The following DCUN1D2 variants were observed in gnomAD, a reference collection of about 807,000 sequenced individuals.
The protein encoded by DCUN1D2 is DCN1-like protein 2.
A neutral mutation model predicts 30.9 loss-of-function variants in DCUN1D2; 29 were observed. That is an observed-to-expected ratio of 0.94 (90% confidence interval 0.70 to 1.28). DCUN1D2 has a LOEUF of 1.28. DCUN1D2 is among the 50% of genes most tolerant of loss of function. The pLI is 0.00. For missense variants in DCUN1D2, 325 were observed against 316.9 expected (o/e 1.03, Z -0.19); for synonymous variants, 121 against 115.3 (o/e 1.05, Z -0.32).
intron 4 of DCUN1D2, chr13:113,469,073 T>G (rs1309299500): frequency 6.6e-6 from 1 of 150,986 alleles, no homozygotes; most frequent in East Asian, 2.0e-4. Context: ...AGAGAAAAGC[T>G]GAGGAGGGGG....
At chr13:113,464,083 G>A (rs2044363310) in intron 4 of DCUN1D2, among the ~76,000 whole-genome samples, 1 of 152,194 alleles carries the variant, frequency 6.6e-6, no homozygotes, top group African/African-American at 2.4e-5. Flanking sequence ...TCTAAAAATA[G>A]TGTATAATCT....
rs1386618984 is a variant in DCUN1D2 at position 113,488,524 on chromosome 13, C to G, written c.3+2143G>C. On this transcript the variant is annotated intron_variant, in intron 1 of 6. Transcript: ENST00000478244. This position sits in a 1 kb window ranked among gnomAD's most constrained non-coding sequence, Gnocchi z 4.3. Reference sequence around the variant, plus strand: ...AACTGGCATAAAGCTTCTTAGGAAACAAAAAGGCTCGTCAACTAAAAAACT... The same window carrying G: ...AACTGGCATAAAGCTTCTTAGGAAAGAAAAAGGCTCGTCAACTAAAAAACT... Among the ~76,000 whole-genome samples, 1 of 152,152 alleles carries G rather than the reference C, an allele frequency of 6.6e-6. No individual in the cohort carries two copies. The highest frequency in any genetic ancestry group is 1.9e-4 in the East Asian group (1 of 5,196).
chr13:113,479,633 G>T lies in DCUN1D2; in HGVS notation c.389+942C>A, dbSNP rs116789587. ...AAAATTAGCCGGGCATGAGGCATGA[G>T]AATCGCTTGAACTCAGGAGACGGAG... is the stretch of plus-strand genomic sequence containing the variant. On this transcript the variant is annotated intron_variant, in intron 3 of 6. Transcript: ENST00000478244. 5.7e-3 allele frequency among the ~76,000 whole-genome samples: 864 copies of T among 152,216 alleles called. 9 individuals are homozygous for T. The highest frequency in any genetic ancestry group is 0.02 in the African/African-American group (832 of 41,542).
rs1362706005 is a variant in DCUN1D2 at position 113,462,960 on chromosome 13, G to T, written c.521-1824C>A. The T allele has an allele frequency of 8.1e-6, 8 of 988,798 alleles. No individual in the cohort carries two copies. The East Asian group carries it at 6.1e-4, about 75-fold the overall frequency. The allele number at this position is 988,798 out of a possible 1,614,324, so 61.3% of individuals were successfully genotyped here. A position where few individuals can be genotyped will look rare whatever the true frequency, so the allele number is the denominator to read the frequency against. On this transcript the variant is annotated intron_variant, in intron 4 of 6. Transcript: ENST00000478244. ...CTAGTTACTTTGGGTTAGTTTTGGTGCTAAAAACTTTTCTTACAAAGGACC... is the reference window on the plus strand; with the variant it reads ...CTAGTTACTTTGGGTTAGTTTTGGTTCTAAAAACTTTTCTTACAAAGGACC...
chr13:113,473,007 C>T (rs910188029), intron 4 of DCUN1D2, among the ~76,000 whole-genome samples: 3 of 139,206 alleles, frequency 2.2e-5, no homozygotes, highest in African/African-American at 7.9e-5. Flanking sequence ...GTCCCTCTGT[C>T]CCCCATCTCT....
intron 4 of DCUN1D2, among the ~76,000 whole-genome samples, chr13:113,465,805 T>C (rs2044392656): frequency 6.6e-6 from 1 of 151,970 alleles, no homozygotes; most frequent in South Asian, 2.1e-4. Context: ...TAGCAGGGAC[T>C]ACAGGTGCAC....
intron 4 of DCUN1D2, among the ~76,000 whole-genome samples, chr13:113,468,427 A>T (rs1566496411): frequency 6.6e-6 from 1 of 152,162 alleles, no homozygotes; most frequent in Non-Finnish European, 1.5e-5. Context: ...TCAGTTTGGG[A>T]AGATGAGAAA....
chr13:113,462,638 C>T (rs955570639), intron 4 of DCUN1D2: 6 of 607,066 alleles, frequency 9.9e-6, no homozygotes, highest in East Asian at 2.8e-4. Context: ...GCTTCATGAC[C>T]AACTTTATCA....
At position 113,457,746 on chromosome 13, in the gene DCUN1D2, CTTAG is replaced by C. The variant is rs2044249538; in HGVS notation, c.*279_*282del. On this transcript the variant is annotated 3_prime_UTR_variant, in exon 7 of 7. Coordinates refer to ENST00000478244, the MANE Select transcript of DCUN1D2 (RefSeq NM_001014283.2). ...CCCACAGGCGGCGCTATGGCTCTAC[CTTAG>C]TATTTTGTAAATATTAAAAAATCAT... The C allele has an allele frequency of 2.8e-6, 1 of 359,622 alleles. No homozygotes were observed. Among genetic ancestry groups the C allele is most frequent in the African/African-American group, 2.0e-5 (1 of 49,084 alleles). 22.3% of individuals were successfully genotyped at this position (359,622 alleles called of 1,614,324 possible). A position where few individuals can be genotyped will look rare whatever the true frequency, so the allele number is the denominator to read the frequency against.
At chr13:113,466,940 G>A (rs1482486094) in intron 4 of DCUN1D2, among the ~76,000 whole-genome samples, 35 of 151,756 alleles carry the variant, frequency 2.3e-4, no homozygotes, top group Admixed American at 2.3e-3. Flanking sequence ...CTGAGTAGCT[G>A]GGACTACAGG....
At chr13:113,480,804 G>C (rs2044695190) in intron 2 of DCUN1D2, 61 bp from the exon 3 acceptor site, 1 of 1,569,204 alleles carries the variant, frequency 6.4e-7, no homozygotes, top group African/African-American at 1.4e-5. Flanking sequence ...TCTAAAATAG[G>C]AGGTTTGAAT....
chr13:113,483,335 T>A (rs1168532823), intron 2 of DCUN1D2, among the ~76,000 whole-genome samples: 1 of 152,194 alleles, frequency 6.6e-6, no homozygotes, highest in Non-Finnish European at 1.5e-5. Flanking sequence ...AAAGCCTCTC[T>A]AATCACTGAA....
rs368144568 is a variant in DCUN1D2 at position 113,480,566 on chromosome 13, T to G, written c.389+9A>C. ...CTGAAAACATTTAAGCTAAGAATAG[T>G]TGACTTACCCAAGTTCTGTCATGCC... On this transcript the variant is annotated intron_variant, in intron 3 of 6. Coordinates refer to ENST00000478244, the MANE Select transcript of DCUN1D2 (RefSeq NM_001014283.2). The G allele has an allele frequency of 1.9e-6, 3 of 1,613,712 alleles. No homozygotes were observed. The highest frequency in any genetic ancestry group is 1.3e-5 in the African/African-American group (1 of 74,928).
At chr13:113,458,932 T>C (rs1238738018) in intron 6 of DCUN1D2, among the ~76,000 whole-genome samples, 2 of 152,088 alleles carry the variant, frequency 1.3e-5, no homozygotes, top group Non-Finnish European at 2.9e-5. Flanking sequence ...TGTGGAGATA[T>C]ATTTATGCAA....
intron 1 of DCUN1D2, among the ~76,000 whole-genome samples, chr13:113,484,455 C>A (rs1416565670): frequency 6.6e-6 from 1 of 152,148 alleles, no homozygotes; most frequent in African/African-American, 2.4e-5. Context: ...AAAGTTCAGG[C>A]TTTAATGAAT....
At chr13:113,459,097 C>G (rs2044275526) in intron 6 of DCUN1D2, among the ~76,000 whole-genome samples, 2 of 152,178 alleles carry the variant, frequency 1.3e-5, no homozygotes, top group Non-Finnish European at 2.9e-5. Flanking sequence ...ACATCCAATT[C>G]TGAAATGCTT....
rs182928659 is a variant in DCUN1D2, at chr13:113,480,625, A to G, written c.339T>C (p.Thr113=). 4 of 1,614,154 alleles carry G rather than the reference A, an allele frequency of 2.5e-6. No individual in the cohort carries two copies. The Admixed American group carries it at 5.0e-5, about 20-fold the overall frequency. ...LVIAWKFRAA[T]QCEFSRKEFL... is the part of the protein sequence containing the mutation. The stretch of plus-strand genomic sequence containing the variant: ...ATTCCTTTCTGCTAAATTCACACTG[A>G]GTTGCTGCCCTGAACTTCCACGCTA... Residue 113 remains threonine, a synonymous_variant, in exon 3 of 7, where the codon ACT becomes ACC. Transcript: ENST00000478244.
intron 4 of DCUN1D2, among the ~76,000 whole-genome samples, chr13:113,466,401 T>A (rs561223112): frequency 1.3e-5 from 2 of 152,244 alleles, no homozygotes; most frequent in Non-Finnish European, 2.9e-5. Flanking sequence ...TGGCATCTGG[T>A]ATGTAGCTCA....
chr13:113,458,432 A>C (rs2044262807), intron 6 of DCUN1D2, among the ~76,000 whole-genome samples: 1 of 152,146 alleles, frequency 6.6e-6, no homozygotes, highest in Non-Finnish European at 1.5e-5. Flanking sequence ...AGCAGGAGGC[A>C]TGTTCCTCAG....
Sources: allele counts gnomAD v4.1 joint callset (sites outside exome capture counted in the v4.1 genomes callset), GRCh38; gene constraint gnomAD v4.1.1; non-coding constraint Gnocchi (gnomAD v3.1); transcripts MANE v1.5; gene names NCBI Gene and HGNC (gene_info 2026-07-23, HGNC 2026-07-21).